Variants in GBP6 observed in about 807,000 individuals in gnomAD.
GBP6 encodes the protein guanylate binding protein family member 6, also known as guanylate-binding protein 6.
In GBP6, 54 loss-of-function variants were observed where a neutral mutation model predicts 61.5. That is an observed-to-expected ratio of 0.88 (90% CI 0.71 to 1.10). GBP6 has a LOEUF of 1.10. GBP6 is among the 50% of genes least tolerant of loss of function. The probability of loss-of-function intolerance (pLI) is 0.00; values close to 1 mark genes in which losing one functional copy is unlikely to be tolerated. For synonymous variants in GBP6, 255 were observed against 273.7 expected (o/e 0.93, Z 0.67); for missense variants, 748 against 752.8 (o/e 0.99, Z 0.07).
intron 9 of GBP6, 139 bp from the exon 10 acceptor site, chr1:89,383,954 C>T (rs1221412055): frequency 3.3e-6 from 3 of 908,294 alleles, no homozygotes; most frequent in Non-Finnish European, 5.0e-6. Flanking sequence ...TTCTCAAATG[C>T]GCTCTTAATG....
intron 3 of GBP6, among the ~76,000 whole-genome samples, chr1:89,375,017 C>A (rs1415179567): frequency 6.6e-6 from 1 of 152,080 alleles, no homozygotes; most frequent in African/African-American, 2.4e-5. Flanking sequence ...TGAGAACATG[C>A]AGTGTTTGGT....
At chr1:89,376,713 A>G (rs1463403929) in intron 3 of GBP6, among the ~76,000 whole-genome samples, 1 of 152,100 alleles carries the variant, frequency 6.6e-6, no homozygotes, top group Non-Finnish European at 1.5e-5. Context: ...GCGATTCTGT[A>G]TTAATTTTAG....
intron 5 of GBP6, 48 bp from the exon 6 acceptor site, chr1:89,380,338 A>G: frequency 6.3e-7 from 1 of 1,578,046 alleles, no homozygotes; most frequent in Non-Finnish European, 8.7e-7. Flanking sequence ...TAGCTCCCTT[A>G]TACCAAGACT....
At position 89,378,478 on chromosome 1, in the gene GBP6, G is replaced by A; in HGVS notation, c.490G>A (p.Glu164Lys). ...GTCCTCCCCAAGGCCTGATGGAGTA[G>A]AAGATTCCACAGAGTTTGTGAGTTT... The part of the protein sequence containing the change: ...AKSSPRPDGV[E>K]DSTEFVSFFP... The change falls in exon 5 of 11, where the codon GAA becomes AAA. Residue 164 changes from glutamate to lysine, a missense_variant. Coordinates refer to ENST00000370456, the MANE Select transcript of GBP6 (RefSeq NM_198460.3). 6.2e-7 allele frequency: 1 copy of A among 1,614,196 alleles called. No homozygotes were observed. Among genetic ancestry groups the A allele is most frequent in the Non-Finnish European group, 8.5e-7 (1 of 1,180,004 alleles).
intron 1 of GBP6, among the ~76,000 whole-genome samples, chr1:89,365,870 C>T (rs970552096): frequency 2.6e-5 from 4 of 152,152 alleles, no homozygotes; most frequent in South Asian, 4.1e-4. Flanking sequence ...GCATTAGATG[C>T]ATCTTGAGTG....
At chr1:89,367,283 G>T (rs1409698703) in intron 1 of GBP6, among the ~76,000 whole-genome samples, 1 of 152,130 alleles carries the variant, frequency 6.6e-6, no homozygotes, top group South Asian at 2.1e-4. Flanking sequence ...AGTGCACACA[G>T]GTTCCAAATC....
At chr1:89,374,552 C>G (rs376683138) in intron 3 of GBP6, among the ~76,000 whole-genome samples, 1 of 152,068 alleles carries the variant, frequency 6.6e-6, no homozygotes, top group Non-Finnish European at 1.5e-5. Context: ...CAAAAAACAG[C>G]AAATGTTCTC....
intron 10 of GBP6, 99 bp downstream of exon 10, chr1:89,384,385 T>TGGTGATGTGCTTC: frequency 1.1e-6 from 1 of 919,294 alleles, no homozygotes; most frequent in Non-Finnish European, 1.6e-6. Context: ...AGGAAGCACA[T>TGGTGATGTGCTTC]CACCATTTGC....
rs1653014389 is a variant in GBP6 at position 89,382,737 on chromosome 1, A to G, written c.1226A>G (p.Lys409Arg). ...TCATCTGTTCAATACTGCCAGGCTA[A>G]ACTCAATGAGCTCTCAAAGGGACTA... ...EESSVQYCQA[K>R]LNELSKGLME... Residue 409 changes from lysine to arginine, a missense_variant, in exon 8 of 11, where the codon AAA (lysine) becomes AGA (arginine). Lys to Arg is a conservative substitution (Grantham distance 26). Coordinates refer to ENST00000370456, the MANE Select transcript of GBP6 (RefSeq NM_198460.3). 2 of 1,614,024 alleles carry G rather than the reference A, an allele frequency of 1.2e-6. No individual in the cohort carries two copies. The highest frequency in any genetic ancestry group is 1.7e-6 in the Non-Finnish European group (2 of 1,179,988).
chr1:89,368,845 C>T (rs1318557885), intron 2 of GBP6, 104 bp downstream of exon 2: 1 of 967,752 alleles, frequency 1.0e-6, no homozygotes, highest in African/African-American at 1.6e-5. Context: ...CAATTCCTTT[C>T]AATAAACCAA....
In GBP6 at chr1:89,367,599, T is replaced by C. The variant is rs1339699733; in HGVS notation, c.-23-930T>C. On this transcript the variant is annotated intron_variant, in intron 1 of 10. Transcript: ENST00000370456. ...CAAATATTTTCTCCCTTTCCATAGA[T>C]TGCCTTTTTACTCTGTTGATAGTGT... Among the ~76,000 whole-genome samples the C allele has an allele frequency of 2.6e-5, 4 of 152,234 alleles. No homozygotes were observed. The East Asian group carries it at 7.7e-4, about 29-fold the overall frequency.
At position 89,387,358 on chromosome 1, in the gene GBP6, G is replaced by A. The variant is rs943954146; in HGVS notation, c.*1889G>A. 1.3e-5 allele frequency among the ~76,000 whole-genome samples: 2 copies of A among 152,110 alleles called. No homozygotes were observed. The highest frequency in any genetic ancestry group is 2.9e-5 in the Non-Finnish European group (2 of 68,012). Reference sequence around the variant, plus strand: ...TTAAAATAGGGAATTAGGGCCTCCAGGTTGTAATTATAGTCTTGGCACACA... The same window carrying A: ...TTAAAATAGGGAATTAGGGCCTCCAAGTTGTAATTATAGTCTTGGCACACA... On this transcript the variant is annotated 3_prime_UTR_variant, in exon 11 of 11. Coordinates refer to ENST00000370456, the MANE Select transcript of GBP6 (RefSeq NM_198460.3).
In GBP6 at chr1:89,368,741, G is replaced by A. The variant is rs751818540; in HGVS notation, c.190G>A (p.Gly64Ser). ...LMNHLAGQNHGFPLGSTVQSE... is the reference protein window; with the variant it reads ...LMNHLAGQNHSFPLGSTVQSE... ...GAACCATCTGGCAGGACAGAATCAT[G>A]GTAAGTGGTATCCTGGGACACAGGC... Residue 64 changes from glycine to serine, a missense_variant and splice_region_variant, in exon 2 of 11, where the codon GGC (glycine) becomes AGC (serine). Physicochemically the swap from Gly to Ser is moderately conservative, Grantham distance 56. Transcript: ENST00000370456. 4 of 1,610,522 alleles carry A rather than the reference G, an allele frequency of 2.5e-6. No individual in the cohort carries two copies. The highest frequency in any genetic ancestry group is 3.4e-6 in the Non-Finnish European group (4 of 1,177,440).
rs556111427 is a variant in GBP6, at chr1:89,387,400, T to A, written c.*1931T>A. Among the ~76,000 whole-genome samples, 1 of 152,312 alleles carries A rather than the reference T, an allele frequency of 6.6e-6. No individual in the cohort carries two copies. Among genetic ancestry groups the A allele is most frequent in the East Asian group, 1.9e-4 (1 of 5,188 alleles). ...TGGCACACATGAACTTATTGCAATATAGTATTTGTTTGAAATGTAAAGGTA... is the reference window on the plus strand; with the variant it reads ...TGGCACACATGAACTTATTGCAATAAAGTATTTGTTTGAAATGTAAAGGTA... On this transcript the variant is annotated 3_prime_UTR_variant, in exon 11 of 11. Transcript: ENST00000370456.
At chr1:89,368,223 G>A (rs1321357661) in intron 1 of GBP6, among the ~76,000 whole-genome samples, 1 of 152,172 alleles carries the variant, frequency 6.6e-6, no homozygotes, top group Admixed American at 6.5e-5. Flanking sequence ...TTGTGTCAGT[G>A]GGGTTGGATA....
At chr1:89,364,788 T>TA (rs11449719) in intron 1 of GBP6, among the ~76,000 whole-genome samples, 134,388 of 143,258 alleles carry the variant, frequency 0.94, 63,251 homozygotes, top group Non-Finnish European at 0.99. Context: ...GTTGATTCTT[T>TA]AAAAAAAAAA....
Position 89,386,850 on chromosome 1 carries a change from C to T in GBP6, c.*1381C>T, listed in dbSNP as rs575940901. 3.3e-5 allele frequency among the ~76,000 whole-genome samples: 5 copies of T among 152,208 alleles called. No individual in the cohort carries two copies. Among genetic ancestry groups the T allele is most frequent in the African/African-American group, 7.2e-5 (3 of 41,538 alleles). On this transcript the variant is annotated 3_prime_UTR_variant, in exon 11 of 11. Transcript: ENST00000370456. The stretch of plus-strand genomic sequence containing the variant: ...ACCCCCTGATGGGGGATGATAGACC[C>T]AGACACATAGAGGCCTGGTGTTGAC...
In GBP6 at chr1:89,366,746, G is replaced by A. The variant is rs181186060; in HGVS notation, c.-23-1783G>A. Among the ~76,000 whole-genome samples, 123 of 151,998 alleles carry A rather than the reference G, an allele frequency of 8.1e-4. 2 individuals carry two copies. Among genetic ancestry groups the A allele is most frequent in the African/African-American group, 2.9e-3 (119 of 41,460 alleles). On this transcript the variant is annotated intron_variant, in intron 1 of 10. Coordinates refer to ENST00000370456, the MANE Select transcript of GBP6 (RefSeq NM_198460.3). The stretch of plus-strand genomic sequence containing the variant: ...ATTTTACTAATTAAGAAAATACTTC[G>A]GTGACATTAGTTGTGCAGCTATCTC...
intron 10 of GBP6, 113 bp downstream of exon 10, chr1:89,384,399 T>C (rs987742272): frequency 3.8e-6 from 3 of 787,922 alleles, no homozygotes; most frequent in African/African-American, 1.8e-5. Flanking sequence ...CATTTGCTGC[T>C]TGGCAATCAC....
Sources: allele counts gnomAD v4.1 joint callset (sites outside exome capture counted in the v4.1 genomes callset), GRCh38; gene constraint gnomAD v4.1.1; transcripts MANE v1.5; gene names NCBI Gene and HGNC (gene_info 2026-07-23, HGNC 2026-07-21).